The following CNTNAP2 variants were observed in gnomAD, a reference collection of about 807,000 sequenced individuals.
The protein encoded by CNTNAP2 is contactin-associated protein-like 2.
CNTNAP2 carries 98 observed loss-of-function variants against 155.2 expected under a neutral mutation model. The observed-to-expected ratio is 0.63, with a 90% CI of 0.54 to 0.75. The LOEUF (loss-of-function observed/expected upper bound fraction) is 0.75, where lower values mean the gene tolerates loss of function less well. Among genes scored for constraint, CNTNAP2 ranks in the 30% least tolerant of loss-of-function variants. The pLI is 0.00. For missense variants in CNTNAP2, 1,727 were observed against 1,688.1 expected (o/e 1.02, Z -0.40); for synonymous variants, 651 against 631.2 (o/e 1.03, Z -0.47).
At chr7:146,947,979 T>C (rs1180905852) in intron 3 of CNTNAP2, among the ~76,000 whole-genome samples, 2 of 152,146 alleles carry the variant, frequency 1.3e-5, no homozygotes, top group African/African-American at 4.8e-5. Context: ...TTTTTAAAAT[T>C]TATAACAAAT....
intron 1 of CNTNAP2, among the ~76,000 whole-genome samples, chr7:146,139,712 T>C (rs928382260): frequency 6.6e-6 from 1 of 152,168 alleles, no homozygotes; most frequent in African/African-American, 2.4e-5. Context: ...ATGTAATATG[T>C]CTTTGTATAA....
chr7:147,025,518 A>AG (rs1798901705), intron 3 of CNTNAP2, among the ~76,000 whole-genome samples: 1 of 50,416 alleles, frequency 2.0e-5, no homozygotes, highest in Non-Finnish European at 3.6e-5. Context: ...GGGAGAAGAA[A>AG]GTGGGGAGGG....
At chr7:147,575,511 CTGTGTGTG>C (rs377290787) in intron 12 of CNTNAP2, among the ~76,000 whole-genome samples, 2,837 of 132,660 alleles carry the variant, frequency 0.021, 93 homozygotes, top group African/African-American at 0.077. Flanking sequence ...GGGTATACAA[CTGTGTGTG>C]TGTGTGTGTG....
At chr7:147,951,295 A>G (rs1800926488) in intron 14 of CNTNAP2, among the ~76,000 whole-genome samples, 1 of 152,252 alleles carries the variant, frequency 6.6e-6, no homozygotes, top group African/African-American at 2.4e-5. Flanking sequence ...GAAAAAGTAC[A>G]GAAAGAAAAA....
rs1797699143 is a variant in CNTNAP2, at chr7:147,784,276, A to T, written c.2099-119289A>T. On this transcript the variant is annotated intron_variant, in intron 13 of 23. Transcript: ENST00000361727. ...ACTTCAACGTAAAAATTTTTGGAAG[A>T]CACTATTCAACCCATAACAATGCTC... Among the ~76,000 whole-genome samples the T allele has an allele frequency of 2.0e-5, 3 of 150,908 alleles. No homozygotes were observed. In the Admixed American group the frequency reaches 2.0e-4, roughly 10 times the overall value.
chr7:146,332,941 A>ATTTTTTTTT, intron 1 of CNTNAP2, among the ~76,000 whole-genome samples: 1 of 102,456 alleles, frequency 9.8e-6, no homozygotes, highest in Non-Finnish European at 2.0e-5. Flanking sequence ...TTCTTCTTCT[A>ATTTTTTTTT]TTTTTTTTTT....
At chr7:148,367,112 T>G (rs1798798091) in intron 21 of CNTNAP2, among the ~76,000 whole-genome samples, 1 of 151,926 alleles carries the variant, frequency 6.6e-6, no homozygotes, top group Non-Finnish European at 1.5e-5. Context: ...ATGCCTGTAG[T>G]CCCAGCTACT....
At chr7:146,869,797 G>C (rs1291932969) in intron 3 of CNTNAP2, among the ~76,000 whole-genome samples, 1 of 152,078 alleles carries the variant, frequency 6.6e-6, no homozygotes, top group Admixed American at 6.6e-5. Flanking sequence ...TCTTCTGCCT[G>C]CTTTTTCTAG....
At chr7:147,743,302 G>C (rs1037255315) in intron 13 of CNTNAP2, among the ~76,000 whole-genome samples, 1 of 152,174 alleles carries the variant, frequency 6.6e-6, no homozygotes, top group African/African-American at 2.4e-5. Flanking sequence ...CTGGAATAGG[G>C]AAATAGGTGG....
intron 13 of CNTNAP2, among the ~76,000 whole-genome samples, chr7:147,882,258 T>A (rs1289258692): frequency 6.6e-6 from 1 of 152,096 alleles, no homozygotes; most frequent in Non-Finnish European, 1.5e-5. Context: ...AACGTTATGA[T>A]CATAATGGAG....
intron 10 of CNTNAP2, among the ~76,000 whole-genome samples, chr7:147,466,316 AG>A (rs1798118418): frequency 6.6e-6 from 1 of 152,218 alleles, no homozygotes; most frequent in Non-Finnish European, 1.5e-5. Flanking sequence ...TATGACCTAC[AG>A]TCAAACAATA....
At chr7:148,334,384 C>A (rs1014592437) in intron 21 of CNTNAP2, among the ~76,000 whole-genome samples, 2 of 152,090 alleles carry the variant, frequency 1.3e-5, no homozygotes, top group African/African-American at 4.8e-5. Context: ...GGTGGCCTAC[C>A]ATGTAGTGAT....
Position 148,116,129 on chromosome 7 carries a change from ACT to A in CNTNAP2, c.2384-1986_2384-1985del, listed in dbSNP as rs537033719. Reference sequence around the variant, plus strand: ...ACTCCATCCTGGGCCACAGAGCGAGACTCTGTCTAAAAAAAAAAAAAAAGAAG... The same window carrying A: ...ACTCCATCCTGGGCCACAGAGCGAGACTGTCTAAAAAAAAAAAAAAAGAAG... On this transcript the variant is annotated intron_variant, in intron 15 of 23. Coordinates refer to ENST00000361727, the MANE Select transcript of CNTNAP2 (RefSeq NM_014141.6). Among the ~76,000 whole-genome samples, 26 of 150,910 alleles carry A rather than the reference ACT, an allele frequency of 1.7e-4. No individual in the cohort carries two copies. In the South Asian group the frequency reaches 3.8e-3, roughly 22 times the overall value.
chr7:147,703,664 TA>T (rs1395403858), intron 13 of CNTNAP2, among the ~76,000 whole-genome samples: 4 of 152,194 alleles, frequency 2.6e-5, no homozygotes, highest in Non-Finnish European at 5.9e-5. Context: ...TCAGAGTATT[TA>T]GGGTGTCTGT....
rs1798014232 is a variant in CNTNAP2, at chr7:148,331,577, T to C, written c.3476-52072T>C. Among the ~76,000 whole-genome samples the C allele has an allele frequency of 3.7e-5, 3 of 80,342 alleles. No homozygotes were observed. In the East Asian group the frequency reaches 1.2e-3, roughly 32 times the overall value. The allele number at this position is 80,342 out of a possible 152,430, so 52.7% of individuals were successfully genotyped here. A position where few individuals can be genotyped will look rare whatever the true frequency, so the allele number is the denominator to read the frequency against. ...GGAATGGACGGATGGAGTGGATGGA[T>C]GGAATGGATGGATGGAATGGATGGA... On this transcript the variant is annotated intron_variant, in intron 21 of 23. Coordinates refer to ENST00000361727, the MANE Select transcript of CNTNAP2 (RefSeq NM_014141.6).
At chr7:147,509,581 A>G (rs1798979274) in intron 11 of CNTNAP2, among the ~76,000 whole-genome samples, 1 of 152,046 alleles carries the variant, frequency 6.6e-6, no homozygotes, top group Non-Finnish European at 1.5e-5. Flanking sequence ...TATTAGTCAC[A>G]TATTTGGAAA....
intron 15 of CNTNAP2, among the ~76,000 whole-genome samples, chr7:148,107,299 A>G (rs1209009493): frequency 6.6e-6 from 1 of 152,196 alleles, no homozygotes; most frequent in Non-Finnish European, 1.5e-5. Context: ...TTTCACCAGC[A>G]TATTCTTTTT....
chr7:146,983,234 G>C (rs538212445), intron 3 of CNTNAP2, among the ~76,000 whole-genome samples: 1 of 152,122 alleles, frequency 6.6e-6, no homozygotes, highest in East Asian at 1.9e-4. Flanking sequence ...TCTGCTGAAT[G>C]GAAGTGGGAG....
chr7:148,238,274 G>A (rs547275217), intron 20 of CNTNAP2, among the ~76,000 whole-genome samples: 4 of 152,234 alleles, frequency 2.6e-5, no homozygotes, highest in East Asian at 3.9e-4. Flanking sequence ...GCTTGAACCC[G>A]GGAGGCAGAG....
Sources: gnomAD v4.1 joint callset for allele counts (sites outside exome capture counted in the v4.1 genomes callset) on GRCh38, gnomAD v4.1.1 for gene constraint, MANE v1.5 for transcripts, NCBI Gene and HGNC (gene_info 2026-07-23, HGNC 2026-07-21) for gene names.